Variants in ZC3H3 observed in about 807,000 individuals in gnomAD.
ZC3H3 encodes the protein zinc finger CCCH domain-containing protein 3.
Under a neutral mutation model 77.3 loss-of-function variants are expected in ZC3H3, and 36 were observed. That is an observed-to-expected ratio of 0.47 (90% CI 0.36 to 0.61). The LOEUF (loss-of-function observed/expected upper bound fraction) is 0.61. Among genes scored for constraint, ZC3H3 ranks in the 20% least tolerant of loss-of-function variants. The pLI is 0.00. For missense variants in ZC3H3, 1,331 were observed against 1,312.2 expected (o/e 1.01, Z -0.22); for synonymous variants, 626 against 555.2 (o/e 1.13, Z -1.79).
intron 4 of ZC3H3, among the ~76,000 whole-genome samples, chr8:143,505,687 C>T (rs549720513): frequency 6.6e-6 from 1 of 152,308 alleles, no homozygotes; most frequent in South Asian, 2.1e-4. Context: ...CCCTCACACA[C>T]CCCCTCAGCC....
chr8:143,515,248 G>C (rs1392728393), intron 3 of ZC3H3, among the ~76,000 whole-genome samples: 1 of 152,254 alleles, frequency 6.6e-6, no homozygotes, highest in East Asian at 1.9e-4. Flanking sequence ...ACACCGAGCA[G>C]GGCAGGATGG....
chr8:143,526,578 C>T (rs530696064), intron 3 of ZC3H3, among the ~76,000 whole-genome samples: 47 of 152,296 alleles, frequency 3.1e-4, no homozygotes, highest in Admixed American at 1.3e-3. Context: ...CCCAGCTTTG[C>T]CACGACCCAC....
At position 143,468,671 on chromosome 8, in the gene ZC3H3, A is replaced by G. The variant is rs1820481011; in HGVS notation, c.1904-12T>C. The G allele has an allele frequency of 1.3e-6, 2 of 1,548,618 alleles. No homozygotes were observed. The highest frequency in any genetic ancestry group is 2.4e-5 in the East Asian group (1 of 40,938). ...AGGATCCAGCCGGCCTGTGGGGGAGAGAGGCACGGGTCATAGCAGGCCACA... is the reference window on the plus strand; with the variant it reads ...AGGATCCAGCCGGCCTGTGGGGGAGGGAGGCACGGGTCATAGCAGGCCACA... On this transcript the variant is annotated splice_polypyrimidine_tract_variant and intron_variant, in intron 5 of 11. Coordinates refer to ENST00000262577, the MANE Select transcript of ZC3H3 (RefSeq NM_015117.3).
intron 9 of ZC3H3, among the ~76,000 whole-genome samples, chr8:143,463,108 C>T (rs756319248): frequency 3.3e-5 from 5 of 152,124 alleles, no homozygotes; most frequent in African/African-American, 7.2e-5. Context: ...CTCAGCCTCC[C>T]GAGTAGCTGG....
At chr8:143,516,081 G>A (rs1440734247) in intron 3 of ZC3H3, among the ~76,000 whole-genome samples, 1 of 152,160 alleles carries the variant, frequency 6.6e-6, no homozygotes, top group African/African-American at 2.4e-5. Context: ...CTTCAGGCCC[G>A]TCCATTTCTC....
At chr8:143,503,783 C>T (rs1821605581) in intron 4 of ZC3H3, among the ~76,000 whole-genome samples, 1 of 151,896 alleles carries the variant, frequency 6.6e-6, no homozygotes, top group South Asian at 2.1e-4. Context: ...CATCTCCCGA[C>T]CACCTACCTC....
Position 143,465,186 on chromosome 8 carries a change from A to G in ZC3H3, c.2307+531T>C, listed in dbSNP as rs1440062137. On this transcript the variant is annotated intron_variant, in intron 9 of 11. Coordinates refer to ENST00000262577, the MANE Select transcript of ZC3H3 (RefSeq NM_015117.3). ...TCTCCACCCAGCAGTGGTGCCCCGC[A>G]ATGAGCTCCAGCGCCAGCTCACTCC... is the stretch of plus-strand genomic sequence containing the variant. Among the ~76,000 whole-genome samples, 7 of 152,018 alleles carry G rather than the reference A, an allele frequency of 4.6e-5. No homozygotes were observed. The South Asian group carries it at 1.2e-3, about 27-fold the overall frequency.
chr8:143,509,627 A>T (rs1276129291), intron 3 of ZC3H3, among the ~76,000 whole-genome samples: 12 of 152,176 alleles, frequency 7.9e-5, no homozygotes, highest in Non-Finnish European at 1.2e-4. Context: ...CTGCTCTGGG[A>T]CGCAGAGCCT....
chr8:143,437,751 G>A lies in ZC3H3; in HGVS notation c.*305C>T. 2.1e-6 allele frequency: 1 copy of A among 465,156 alleles called. No individual in the cohort carries two copies. The highest frequency in any genetic ancestry group is 3.3e-5 in the Admixed American group (1 of 30,092). 28.8% of individuals were successfully genotyped at this position (465,156 alleles called of 1,614,324 possible). A position where few individuals can be genotyped will look rare whatever the true frequency, so the allele number is the denominator to read the frequency against. On this transcript the variant is annotated 3_prime_UTR_variant, in exon 12 of 12. Coordinates refer to ENST00000262577, the MANE Select transcript of ZC3H3 (RefSeq NM_015117.3). ...ACTGGGCCGAAAACCTGGGTGGGGA[G>A]GGCTGGGGGCTGCAGGGCCACTGTT... is the stretch of plus-strand genomic sequence containing the variant.
Position 143,468,648 on chromosome 8 carries a change from G to A in ZC3H3, c.1915C>T (p.Pro639Ser). The A allele has an allele frequency of 6.4e-7, 1 of 1,551,514 alleles. No homozygotes were observed. The highest frequency in any genetic ancestry group is 8.7e-7 in the Non-Finnish European group (1 of 1,147,922). Residue 639 changes from proline (P) to serine (S), a missense_variant, in exon 6 of 12, where the codon CCT becomes TCT. Coordinates refer to ENST00000262577, the MANE Select transcript of ZC3H3 (RefSeq NM_015117.3). ...RPLLRTGRLD[P>S]AGSCSRSLAS... ...AGGGAACGGCTACAGCTGCCTGCAG[G>A]ATCCAGCCGGCCTGTGGGGGAGAGA...
chr8:143,530,412 T>A lies in ZC3H3; in HGVS notation c.1561+5845A>T, dbSNP rs977131400. Among the ~76,000 whole-genome samples the A allele has an allele frequency of 6.6e-6, 1 of 152,126 alleles. No individual in the cohort carries two copies. The highest frequency in any genetic ancestry group is 2.4e-5 in the African/African-American group (1 of 41,432). Reference sequence around the variant, plus strand: ...TCCAGCAGATGACGACACCACTGCCTACCCACCTACCATGACTTTTCCCTG... The same window carrying A: ...TCCAGCAGATGACGACACCACTGCCAACCCACCTACCATGACTTTTCCCTG... On this transcript the variant is annotated intron_variant, in intron 3 of 11. Coordinates refer to ENST00000262577, the MANE Select transcript of ZC3H3 (RefSeq NM_015117.3). This position sits in a 1 kb window ranked among gnomAD's most constrained non-coding sequence, Gnocchi z 4.3.
chr8:143,475,381 C>T lies in ZC3H3; in HGVS notation c.1903+17G>A. On this transcript the variant is annotated intron_variant, in intron 5 of 11. Transcript: ENST00000262577. ...CGGTCGGTGTCATCTCCCAGCGCCC[C>T]CGCCCTCACCTCTCACCTGTGCGCA... 1 of 1,607,726 alleles carries T rather than the reference C, an allele frequency of 6.2e-7. No individual in the cohort carries two copies. The highest frequency in any genetic ancestry group is 8.5e-7 in the Non-Finnish European group (1 of 1,176,830).
chr8:143,540,025 C>T (rs1563892640), intron 1 of ZC3H3, among the ~76,000 whole-genome samples: 1 of 152,208 alleles, frequency 6.6e-6, no homozygotes, highest in Non-Finnish European at 1.5e-5. Flanking sequence ...TCCCCCACCA[C>T]AGGCCCTGCC....
chr8:143,458,565 G>C (rs1782814172), intron 9 of ZC3H3, among the ~76,000 whole-genome samples: 1 of 73,786 alleles, frequency 1.4e-5, no homozygotes, highest in African/African-American at 5.5e-5. Flanking sequence ...AGCATTTAGG[G>C]AGGCAGAGGT....
chr8:143,512,976 C>CA (rs1457628118), intron 3 of ZC3H3, among the ~76,000 whole-genome samples: 1 of 151,974 alleles, frequency 6.6e-6, no homozygotes, highest in Non-Finnish European at 1.5e-5. Flanking sequence ...GAGGAGAGAG[C>CA]AGGGCATAGG....
intron 3 of ZC3H3, among the ~76,000 whole-genome samples, chr8:143,524,382 G>A (rs1822345112): frequency 6.6e-6 from 1 of 152,228 alleles, no homozygotes; most frequent in Admixed American, 6.5e-5. Context: ...TGCTCTGCTA[G>A]GAGCCAAGCC....
intron 4 of ZC3H3, among the ~76,000 whole-genome samples, chr8:143,481,137 G>A (rs1043221760): frequency 6.6e-6 from 1 of 152,212 alleles, no homozygotes; most frequent in Non-Finnish European, 1.5e-5. Flanking sequence ...GTGGCCAGGG[G>A]TTCGAGGCCT....
rs543981638 is a variant in ZC3H3 at position 143,540,350 on chromosome 8, C to T, written c.46+1026G>A. On this transcript the variant is annotated intron_variant, in intron 1 of 11. Transcript: ENST00000262577. ...CAGGGCACAAGCAAACCTTCCACCT[C>T]TGAGTAGCTGGGACTACAGGCGCAA... Among the ~76,000 whole-genome samples, 141 of 152,322 alleles carry T rather than the reference C, an allele frequency of 9.3e-4. 1 individual carries two copies. The highest frequency in any genetic ancestry group is 3.3e-3 in the African/African-American group (139 of 41,578).
chr8:143,469,545 G>T (rs1820505649), intron 5 of ZC3H3, among the ~76,000 whole-genome samples: 1 of 152,204 alleles, frequency 6.6e-6, no homozygotes, highest in African/African-American at 2.4e-5. Flanking sequence ...CCAAGCATAA[G>T]CACCACCCCC....
Sources: allele counts gnomAD v4.1 joint callset (sites outside exome capture counted in the v4.1 genomes callset), GRCh38; gene constraint gnomAD v4.1.1; non-coding constraint Gnocchi (gnomAD v3.1); transcripts MANE v1.5; gene names NCBI Gene and HGNC (gene_info 2026-07-23, HGNC 2026-07-21).